The following ALG14 variants were observed in gnomAD, a reference collection of about 807,000 sequenced individuals.
The protein encoded by ALG14 is ALG14 UDP-N-acetylglucosaminyltransferase subunit.
Under a neutral mutation model 22.8 loss-of-function variants are expected in ALG14, and 17 were observed. The observed-to-expected ratio is 0.75, with a 90% confidence interval of 0.51 to 1.12. ALG14 has a LOEUF of 1.12. ALG14 is among the 50% of genes most tolerant of loss of function. The probability of loss-of-function intolerance (pLI) is 0.00; values close to 1 mark genes in which losing one functional copy is unlikely to be tolerated. For missense variants in ALG14, 288 were observed against 271.8 expected (o/e 1.06, Z -0.42); for synonymous variants, 89 against 103.7 (o/e 0.86, Z 0.86).
intron 2 of ALG14, among the ~76,000 whole-genome samples, chr1:95,031,130 G>T (rs1571626690): frequency 6.6e-6 from 1 of 152,252 alleles, no homozygotes; most frequent in African/African-American, 2.4e-5. Flanking sequence ...AGACTGCAGA[G>T]GTGGATCTCA....
chr1:95,031,695 C>T (rs992940016), intron 2 of ALG14, among the ~76,000 whole-genome samples: 11 of 151,962 alleles, frequency 7.2e-5, no homozygotes, highest in Non-Finnish European at 1.6e-4. Flanking sequence ...CTTCCCTCCT[C>T]CATCACCAAA....
In ALG14 at chr1:95,039,481, T is replaced by G. The variant is rs553935552; in HGVS notation, c.289-12221A>C. 1.8e-4 allele frequency among the ~76,000 whole-genome samples: 28 copies of G among 152,008 alleles called. No individual in the cohort carries two copies. The South Asian group carries it at 4.6e-3, about 25-fold the overall frequency. On this transcript the variant is annotated intron_variant, in intron 2 of 3. Transcript: ENST00000370205. The stretch of plus-strand genomic sequence containing the variant: ...AGGGAGATTTAGGACGCTGGAGAGT[T>G]TGGGATAACTCTCAGGTTTTTACCT...
Position 95,031,710 on chromosome 1 carries a change from C to G in ALG14, c.289-4450G>C, listed in dbSNP as rs1463986263. 2.0e-5 allele frequency among the ~76,000 whole-genome samples: 3 copies of G among 151,630 alleles called. No homozygotes were observed. The East Asian group carries it at 5.8e-4, about 29-fold the overall frequency. On this transcript the variant is annotated intron_variant, in intron 2 of 3. Transcript: ENST00000370205. ...CTTCCCTCCTCCATCACCAAACTTTCTGTGTGCTTTAAAATAACATCTACT... is the reference window on the plus strand; with the variant it reads ...CTTCCCTCCTCCATCACCAAACTTTGTGTGTGCTTTAAAATAACATCTACT...
intron 1 of ALG14, among the ~76,000 whole-genome samples, chr1:95,068,650 T>C (rs534353749): frequency 2.6e-5 from 4 of 152,300 alleles, no homozygotes; most frequent in Admixed American, 1.3e-4. Flanking sequence ...AGGTAAATAT[T>C]GAAAATGCCT....
chr1:95,072,439 A>G (rs561938013), intron 1 of ALG14, among the ~76,000 whole-genome samples: 1 of 152,332 alleles, frequency 6.6e-6, no homozygotes, highest in East Asian at 1.9e-4. Context: ...TTAATAATGC[A>G]CAACAGCCAT....
At chr1:95,007,082 G>T (rs12739445) in intron 3 of ALG14, among the ~76,000 whole-genome samples, 285 of 152,238 alleles carry the variant, frequency 1.9e-3, no homozygotes, top group African/African-American at 6.5e-3. Flanking sequence ...ACAGAGGAGG[G>T]GGGTGGGGAT....
intron 2 of ALG14, among the ~76,000 whole-genome samples, chr1:95,037,587 T>C (rs1212715206): frequency 6.6e-6 from 1 of 152,200 alleles, no homozygotes; most frequent in African/African-American, 2.4e-5. Context: ...TATAGGGATA[T>C]GCCTGGGCAA....
chr1:94,995,538 C>T (rs780002289), intron 3 of ALG14, among the ~76,000 whole-genome samples: 1 of 152,188 alleles, frequency 6.6e-6, no homozygotes, highest in African/African-American at 2.4e-5. Context: ...CATGGTAAAA[C>T]TCCGTCTCTA....
At chr1:94,986,370 G>A (rs2391391) in intron 3 of ALG14, among the ~76,000 whole-genome samples, 45,609 of 152,098 alleles carry the variant, frequency 0.3, 7,156 homozygotes, top group African/African-American at 0.37. Context: ...TATAGAAGGA[G>A]TGGGTCTTTG....
chr1:95,012,470 T>G (rs536830103), intron 3 of ALG14, among the ~76,000 whole-genome samples: 32 of 152,326 alleles, frequency 2.1e-4, no homozygotes, highest in African/African-American at 7.7e-4. Flanking sequence ...TGAGCTACTG[T>G]GCACTGCAGT....
chr1:95,022,411 G>C (rs1160025767), intron 3 of ALG14: 1 of 972,784 alleles, frequency 1.0e-6, no homozygotes, highest in Non-Finnish European at 1.2e-6. Flanking sequence ...AGATATTTGG[G>C]GGGATTTTCA....
rs557651892 is a variant in ALG14, at chr1:94,983,992, C to G, written c.421-686G>C. 2.5e-3 allele frequency among the ~76,000 whole-genome samples: 379 copies of G among 152,138 alleles called. 1 individual carries two copies. Among genetic ancestry groups the G allele is most frequent in the African/African-American group, 8.7e-3 (361 of 41,496 alleles). ...ATCTCCTGACCTCATGATCTGCCCACTTCAGCCTCCCAAAGTGCTGGGATT... is the reference window on the plus strand; with the variant it reads ...ATCTCCTGACCTCATGATCTGCCCAGTTCAGCCTCCCAAAGTGCTGGGATT... On this transcript the variant is annotated intron_variant, in intron 3 of 3. Transcript: ENST00000370205.
intron 3 of ALG14, chr1:95,022,345 C>A: frequency 1.0e-6 from 1 of 985,454 alleles, no homozygotes; most frequent in South Asian, 4.7e-5. Flanking sequence ...GTCAGTGGCA[C>A]AGCTGGTAAT....
chr1:95,007,302 TC>T (rs1435048539), intron 3 of ALG14, among the ~76,000 whole-genome samples: 4 of 152,224 alleles, frequency 2.6e-5, no homozygotes, highest in African/African-American at 9.7e-5. Flanking sequence ...GCTGATAGCA[TC>T]CATCTACCAG....
intron 3 of ALG14, among the ~76,000 whole-genome samples, chr1:95,019,929 G>C (rs1363526090): frequency 6.6e-6 from 1 of 152,086 alleles, no homozygotes; most frequent in Non-Finnish European, 1.5e-5. Flanking sequence ...AGAAATCCAT[G>C]ATACATGGCC....
chr1:94,996,324 T>C (rs1279933623), intron 3 of ALG14, among the ~76,000 whole-genome samples: 1 of 152,216 alleles, frequency 6.6e-6, no homozygotes, highest in Non-Finnish European at 1.5e-5. Flanking sequence ...TGTCCAAGCA[T>C]GGTACCCCTA....
chr1:94,994,962 G>A (rs887007786), intron 3 of ALG14, among the ~76,000 whole-genome samples: 4 of 152,134 alleles, frequency 2.6e-5, no homozygotes, highest in African/African-American at 4.8e-5. Flanking sequence ...GGGAGTATTC[G>A]TCCTAAACAG....
At chr1:95,065,406 CAATGCCTTAAA>C (rs1048836103) in intron 1 of ALG14, among the ~76,000 whole-genome samples, 5 of 152,004 alleles carry the variant, frequency 3.3e-5, no homozygotes, top group African/African-American at 1.2e-4. Flanking sequence ...TATGAAAAAT[CAATGCCTTAAA>C]AATAAGGAAG....
At position 94,980,825 on chromosome 1, in the gene ALG14, A is replaced by C. The variant is rs1159754929; in HGVS notation, c.*2251T>G. ...TTCTAAACTTTTGGTGATATAACAC[A>C]TACACATTCTTTCTCTGACATTCCA... is the stretch of plus-strand genomic sequence containing the variant. On this transcript the variant is annotated 3_prime_UTR_variant, in exon 4 of 4. Coordinates refer to ENST00000370205, the MANE Select transcript of ALG14 (RefSeq NM_144988.4). The C allele has an allele frequency of 1.3e-5, 2 of 152,272 alleles. No individual in the cohort carries two copies. Among genetic ancestry groups the C allele is most frequent in the Non-Finnish European group, 2.9e-5 (2 of 68,042 alleles). The allele number at this position is 152,272 out of a possible 1,614,324, so 9.4% of individuals were successfully genotyped here. A position where few individuals can be genotyped will look rare whatever the true frequency, so the allele number is the denominator to read the frequency against.
Sources: allele counts gnomAD v4.1 joint callset (sites outside exome capture counted in the v4.1 genomes callset), GRCh38; gene constraint gnomAD v4.1.1; transcripts MANE v1.5; gene names NCBI Gene and HGNC (gene_info 2026-07-23, HGNC 2026-07-21).